Variants in B3GNT5 observed in about 807,000 individuals in gnomAD.
B3GNT5 encodes UDP-GlcNAc:betaGal beta-1,3-N-acetylglucosaminyltransferase 5.
In B3GNT5, 11 loss-of-function variants were observed where a neutral mutation model predicts 25.9. That is an observed-to-expected ratio of 0.42 (90% CI 0.27 to 0.70). The LOEUF (loss-of-function observed/expected upper bound fraction) is 0.70, where lower values mean the gene tolerates loss of function less well. B3GNT5 is among the 30% of genes least tolerant of loss of function. B3GNT5 has a pLI of 0.23. For missense variants in B3GNT5, 385 were observed against 458.4 expected (o/e 0.84, Z 1.46); for synonymous variants, 166 against 158.6 (o/e 1.05, Z -0.35).
chr3:183,253,503 G>C (rs1357668444), intron 1 of B3GNT5, 31 bp downstream of exon 1: 1 of 152,390 alleles, frequency 6.6e-6, no homozygotes, highest in Non-Finnish European at 1.5e-5. Context: ...GCCTGGGGCG[G>C]GGTTTCCCCC....
chr3:183,272,847 T>C lies in B3GNT5; in HGVS notation c.*1912T>C. The C allele has an allele frequency of 8.0e-7, 1 of 1,253,102 alleles. No homozygotes were observed. Among genetic ancestry groups the C allele is most frequent in the South Asian group, 2.6e-5 (1 of 37,738 alleles). The allele number at this position is 1,253,102 out of a possible 1,614,324, so 77.6% of individuals were successfully genotyped here. ...CATTGGTTGAAAACATAAGTGTCTCTGGCCATCAAAGTGATCTTGTTTACA... is the reference window on the plus strand; with the variant it reads ...CATTGGTTGAAAACATAAGTGTCTCCGGCCATCAAAGTGATCTTGTTTACA... On this transcript the variant is annotated 3_prime_UTR_variant, in exon 2 of 2. Coordinates refer to ENST00000326505, the MANE Select transcript of B3GNT5 (RefSeq NM_032047.5).
intron 1 of B3GNT5, among the ~76,000 whole-genome samples, chr3:183,259,471 C>G (rs2108412068): frequency 6.6e-6 from 1 of 152,246 alleles, no homozygotes; most frequent in Admixed American, 6.5e-5. Flanking sequence ...ATCTCTTCAT[C>G]AGGTTTACTT....
intron 1 of B3GNT5, among the ~76,000 whole-genome samples, chr3:183,261,961 TAAAA>T (rs59219335): frequency 8.9e-6 from 1 of 112,118 alleles, no homozygotes; most frequent in Non-Finnish European, 1.8e-5. Flanking sequence ...TGTCCAGCAT[TAAAA>T]AAAAAAAAAA....
Position 183,269,939 on chromosome 3 carries a change from T to C in B3GNT5, c.141T>C (p.Ser47=). ...TTGTGAGCCATATGAAGTCATATTCTTACAGATACCTCATAAATAGCTATG... is the reference window on the plus strand; with the variant it reads ...TTGTGAGCCATATGAAGTCATATTCCTACAGATACCTCATAAATAGCTATG... The part of the protein sequence containing the change: ...NHIVSHMKSY[S]YRYLINSYDF... The change falls in exon 2 of 2, where the codon TCT becomes TCC. Residue 47 remains serine, a synonymous_variant. Coordinates refer to ENST00000326505, the MANE Select transcript of B3GNT5 (RefSeq NM_032047.5). 6.2e-7 allele frequency: 1 copy of C among 1,614,168 alleles called. No individual in the cohort carries two copies. The highest frequency in any genetic ancestry group is 1.1e-5 in the South Asian group (1 of 91,068).
intron 1 of B3GNT5, among the ~76,000 whole-genome samples, chr3:183,263,943 C>T (rs1027640983): frequency 1.4e-4 from 22 of 152,106 alleles, no homozygotes; most frequent in Non-Finnish European, 2.9e-4. Flanking sequence ...CCACCCTCGA[C>T]TAGGCCTTCC....
At position 183,270,093 on chromosome 3, in the gene B3GNT5, G is replaced by A; in HGVS notation, c.295G>A (p.Glu99Lys). Reference protein sequence around the residue: ...LLLLFVKTAPENYDRRSGIRR... With the variant: ...LLLLFVKTAPKNYDRRSGIRR... ...TTTACTGTTTGTAAAAACTGCTCCT[G>A]AAAACTATGATCGACGTTCCGGAAT... The change falls in exon 2 of 2, where the codon GAA (glutamate) becomes AAA (lysine). Residue 99 changes from glutamate to lysine, a missense_variant. By Grantham distance (56) the Glu-to-Lys change is moderately conservative. Transcript: ENST00000326505. This position sits in a 1 kb window ranked among gnomAD's most constrained non-coding sequence, Gnocchi z 4.5. 3 of 1,614,138 alleles carry A rather than the reference G, an allele frequency of 1.9e-6. No individual in the cohort carries two copies. Among genetic ancestry groups the A allele is most frequent in the Non-Finnish European group, 1.7e-6 (2 of 1,180,044 alleles).
intron 1 of B3GNT5, among the ~76,000 whole-genome samples, chr3:183,256,950 A>C (rs575771022): frequency 1.3e-5 from 2 of 152,334 alleles, no homozygotes; most frequent in Admixed American, 1.3e-4. Context: ...CGATGTGTTA[A>C]ATGGCCCTTA....
At chr3:183,253,830 T>G (rs1393021052) in intron 1 of B3GNT5, 1 of 152,252 alleles carries the variant, frequency 6.6e-6, no homozygotes, top group Non-Finnish European at 1.5e-5. Flanking sequence ...TAGTCTGTGG[T>G]CAGTTACGTG....
At chr3:183,261,461 T>C (rs1357434937) in intron 1 of B3GNT5, among the ~76,000 whole-genome samples, 1 of 152,170 alleles carries the variant, frequency 6.6e-6, no homozygotes, top group Non-Finnish European at 1.5e-5. Context: ...TATTAAGTAA[T>C]AAAAGTTTAA....
intron 1 of B3GNT5, among the ~76,000 whole-genome samples, chr3:183,263,614 A>T (rs919428456): frequency 1.3e-5 from 2 of 151,960 alleles, no homozygotes; most frequent in African/African-American, 2.4e-5. Flanking sequence ...ACATTCATGA[A>T]ATTAGTCATC....
chr3:183,272,989 C>T lies in B3GNT5; in HGVS notation c.*2054C>T. ...TTTAAATTTCAAGGAAATATGAAGGCACTTCCTTTTTTTCTAAGAAGGAAG... is the reference window on the plus strand; with the variant it reads ...TTTAAATTTCAAGGAAATATGAAGGTACTTCCTTTTTTTCTAAGAAGGAAG... On this transcript the variant is annotated 3_prime_UTR_variant, in exon 2 of 2. Coordinates refer to ENST00000326505, the MANE Select transcript of B3GNT5 (RefSeq NM_032047.5). The T allele has an allele frequency of 6.8e-7, 1 of 1,477,294 alleles. No individual in the cohort carries two copies. Among genetic ancestry groups the T allele is most frequent in the Non-Finnish European group, 8.9e-7 (1 of 1,119,280 alleles). The allele number at this position is 1,477,294 out of a possible 1,614,324, so 91.5% of individuals were successfully genotyped here.
intron 1 of B3GNT5, among the ~76,000 whole-genome samples, chr3:183,256,281 C>A (rs1416445658): frequency 6.6e-6 from 1 of 152,068 alleles, no homozygotes; most frequent in East Asian, 1.9e-4. Flanking sequence ...CCTTTGATAT[C>A]GAATCTCTGT....
At chr3:183,259,689 C>T (rs1379491831) in intron 1 of B3GNT5, among the ~76,000 whole-genome samples, 2 of 152,078 alleles carry the variant, frequency 1.3e-5, no homozygotes, top group Non-Finnish European at 2.9e-5. Context: ...GCCTCCTCTC[C>T]TTCCTTCCAC....
chr3:183,255,290 G>T (rs1239418827), intron 1 of B3GNT5, among the ~76,000 whole-genome samples: 1 of 152,234 alleles, frequency 6.6e-6, no homozygotes, highest in Non-Finnish European at 1.5e-5. Context: ...TTAGTGATCA[G>T]CAGCAGACGT....
chr3:183,271,090 G>GTT lies in B3GNT5; in HGVS notation c.*157_*158dup, dbSNP rs765804182. 172 of 638,216 alleles carry GTT rather than the reference G, an allele frequency of 2.7e-4. No homozygotes were observed. Among genetic ancestry groups the GTT allele is most frequent in the Non-Finnish European group, 4.1e-4 (160 of 394,366 alleles). 39.5% of individuals were successfully genotyped at this position (638,216 alleles called of 1,614,324 possible). On this transcript the variant is annotated 3_prime_UTR_variant, in exon 2 of 2. Transcript: ENST00000326505. ...GAATGTTTCTTTGATTCTAGAAGCT[G>GTT]TTTAATATCACTTATCTACTTCATT...
chr3:183,262,895 C>T (rs1725752651), intron 1 of B3GNT5, among the ~76,000 whole-genome samples: 1 of 151,960 alleles, frequency 6.6e-6, no homozygotes, highest in Non-Finnish European at 1.5e-5. Flanking sequence ...CCCAGCAGCC[C>T]TGGAGGTGTC....
chr3:183,262,754 T>C (rs1304985343), intron 1 of B3GNT5, among the ~76,000 whole-genome samples: 1 of 151,768 alleles, frequency 6.6e-6, no homozygotes, highest in Non-Finnish European at 1.5e-5. Flanking sequence ...AGATTTAGCA[T>C]GGCCGCTGAA....
chr3:183,268,338 C>T lies in B3GNT5; in HGVS notation c.-301-1160C>T, dbSNP rs114490306. On this transcript the variant is annotated intron_variant, in intron 1 of 1. Transcript: ENST00000326505. ...GGAGTTAAAAGAGCTCAGTTTGTCT[C>T]GTGGTTAAATCCAAGTTTTACAAAG... is the stretch of plus-strand genomic sequence containing the variant. 6.6e-3 allele frequency among the ~76,000 whole-genome samples: 998 copies of T among 152,216 alleles called. 14 individuals carry two copies. The highest frequency in any genetic ancestry group is 0.022 in the African/African-American group (934 of 41,528).
intron 1 of B3GNT5, among the ~76,000 whole-genome samples, chr3:183,255,577 G>A (rs765830196): frequency 3.3e-5 from 5 of 152,174 alleles, no homozygotes; most frequent in Non-Finnish European, 7.3e-5. Flanking sequence ...TGTTATCACA[G>A]GAAAGGCCCA....
Sources: allele counts gnomAD v4.1 joint callset (sites outside exome capture counted in the v4.1 genomes callset), GRCh38; gene constraint gnomAD v4.1.1; non-coding constraint Gnocchi (gnomAD v3.1); transcripts MANE v1.5; gene names NCBI Gene and HGNC (gene_info 2026-07-23, HGNC 2026-07-21).